The following CNTN1 variants were observed in gnomAD, a reference collection of about 807,000 sequenced individuals.
The protein encoded by CNTN1 is contactin 1.
Under a neutral mutation model 126.4 loss-of-function variants are expected in CNTN1, and 38 were observed. The ratio of observed to expected loss-of-function variants is 0.30; its 90% CI spans 0.23 to 0.39. The LOEUF is 0.39. Among genes scored for constraint, CNTN1 ranks in the 10% least tolerant of loss-of-function variants. The pLI is 1.00. For missense variants in CNTN1, 1,009 were observed against 1,248.4 expected (o/e 0.81, Z 2.89); for synonymous variants, 413 against 422.6 (o/e 0.98, Z 0.28).
At chr12:40,713,284 T>C (rs1407060385) in intron 1 of CNTN1, among the ~76,000 whole-genome samples, 3 of 151,704 alleles carry the variant, frequency 2.0e-5, no homozygotes, top group African/African-American at 7.3e-5. Flanking sequence ...TAGAGGAGTA[T>C]TTTTTCTCCC....
Position 40,888,040 on chromosome 12 carries a change from G to A in CNTN1, c.-76-20317G>A, listed in dbSNP as rs908406196. Among the ~76,000 whole-genome samples, 4 of 149,262 alleles carry A rather than the reference G, an allele frequency of 2.7e-5. No homozygotes were observed. In the East Asian group the frequency reaches 6.0e-4, roughly 22 times the overall value. On this transcript the variant is annotated intron_variant, in intron 1 of 23. Coordinates refer to ENST00000551295, the MANE Select transcript of CNTN1 (RefSeq NM_001843.4). The stretch of plus-strand genomic sequence containing the variant: ...GGGGTGGGGGGAGGGAGGAGGGATA[G>A]CATTAGGAGATATACCTAATGCTAA...
intron 16 of CNTN1, among the ~76,000 whole-genome samples, chr12:40,992,280 T>A (rs1948113714): frequency 1.3e-5 from 2 of 152,176 alleles, no homozygotes. Context: ...ATTGTGTTGA[T>A]GGACACGTCA....
intron 1 of CNTN1, among the ~76,000 whole-genome samples, chr12:40,797,884 G>A (rs967364157): frequency 1.3e-5 from 2 of 152,024 alleles, no homozygotes; most frequent in East Asian, 3.9e-4. Context: ...TCCCATTAAC[G>A]AGAATAGGGA....
At chr12:40,904,063 G>A (rs1944710804) in intron 1 of CNTN1, among the ~76,000 whole-genome samples, 1 of 152,086 alleles carries the variant, frequency 6.6e-6, no homozygotes, top group African/African-American at 2.4e-5. Context: ...CTGTCGCCTA[G>A]GCTGGAGTGC....
chr12:40,773,766 G>A (rs1939468656), intron 1 of CNTN1, among the ~76,000 whole-genome samples: 1 of 148,814 alleles, frequency 6.7e-6, no homozygotes, highest in Non-Finnish European at 1.5e-5. Flanking sequence ...GCAAGTGTGA[G>A]CTGTTATCCC....
At chr12:41,012,503 G>C (rs990279576) in intron 17 of CNTN1, among the ~76,000 whole-genome samples, 1 of 152,142 alleles carries the variant, frequency 6.6e-6, no homozygotes, top group Non-Finnish European at 1.5e-5. Context: ...ACAGAGGCTG[G>C]GGTCAGTCCA....
In CNTN1 at chr12:41,071,410, T is replaced by C. The variant is rs1476364571; in HGVS notation, c.*1375T>C. The C allele has an allele frequency of 6.6e-6, 1 of 152,180 alleles. No homozygotes were observed. Among genetic ancestry groups the C allele is most frequent in the Non-Finnish European group, 1.5e-5 (1 of 68,024 alleles). The allele number at this position is 152,180 out of a possible 1,614,324, so 9.4% of individuals were successfully genotyped here. A position where few individuals can be genotyped will look rare whatever the true frequency, so the allele number is the denominator to read the frequency against. On this transcript the variant is annotated 3_prime_UTR_variant, in exon 24 of 24. Coordinates refer to ENST00000551295, the MANE Select transcript of CNTN1 (RefSeq NM_001843.4). Reference sequence around the variant, plus strand: ...GTGAAATAGTGCAGTGTTGGATGCTTCAAGAGGTATAATCCTATTTTATTA... The same window carrying C: ...GTGAAATAGTGCAGTGTTGGATGCTCCAAGAGGTATAATCCTATTTTATTA...
intron 1 of CNTN1, among the ~76,000 whole-genome samples, chr12:40,852,877 C>A (rs1942770408): frequency 2.1e-5 from 3 of 145,714 alleles, no homozygotes; most frequent in Non-Finnish European, 4.5e-5. Context: ...AAGAAATAAT[C>A]CTTATTGCAT....
chr12:40,847,898 A>G (rs892580640), intron 1 of CNTN1, among the ~76,000 whole-genome samples: 1 of 152,226 alleles, frequency 6.6e-6, no homozygotes, highest in Non-Finnish European at 1.5e-5. Flanking sequence ...ATCATAAGGC[A>G]TTAGATTCTC....
intron 1 of CNTN1, among the ~76,000 whole-genome samples, chr12:40,831,578 C>T (rs1430778765): frequency 4.6e-5 from 7 of 152,130 alleles, no homozygotes; most frequent in Non-Finnish European, 7.4e-5. Context: ...TATGAAACAT[C>T]TTTCTTTCAG....
intron 1 of CNTN1, among the ~76,000 whole-genome samples, chr12:40,724,620 C>T (rs1224058170): frequency 2.6e-5 from 4 of 152,158 alleles, no homozygotes; most frequent in African/African-American, 9.7e-5. Flanking sequence ...TGAAAATGCA[C>T]AGACTGTCCT....
chr12:40,928,040 A>G (rs1310916694), intron 6 of CNTN1, among the ~76,000 whole-genome samples: 2 of 152,066 alleles, frequency 1.3e-5, no homozygotes, highest in Non-Finnish European at 2.9e-5. Flanking sequence ...TCACATAACC[A>G]CTGAGGATTC....
intron 21 of CNTN1, among the ~76,000 whole-genome samples, chr12:41,026,386 T>G (rs1420341008): frequency 6.6e-6 from 1 of 152,094 alleles, no homozygotes; most frequent in African/African-American, 2.4e-5. Flanking sequence ...GACAGGGCAA[T>G]AAAATGAATA....
rs930297669 is a variant in CNTN1 at position 40,925,591 on chromosome 12, G to A, written c.496+939G>A. On this transcript the variant is annotated intron_variant, in intron 6 of 23. Coordinates refer to ENST00000551295, the MANE Select transcript of CNTN1 (RefSeq NM_001843.4). ...TATACGTATATACGTATATATACATGTATATATATATATACGTGTATATAT... is the reference window on the plus strand; with the variant it reads ...TATACGTATATACGTATATATACATATATATATATATATACGTGTATATAT... Among the ~76,000 whole-genome samples, 73 of 135,960 alleles carry A rather than the reference G, an allele frequency of 5.4e-4. 1 individual carries two copies. Among genetic ancestry groups the A allele is most frequent in the African/African-American group, 1.9e-3 (69 of 36,596 alleles). The allele number at this position is 135,960 out of a possible 152,430, so 89.2% of individuals were successfully genotyped here.
intron 1 of CNTN1, among the ~76,000 whole-genome samples, chr12:40,890,373 C>T (rs141981844): frequency 1.9e-3 from 296 of 152,232 alleles, no homozygotes; most frequent in African/African-American, 7.0e-3. Flanking sequence ...CCTTAGTTTA[C>T]ATTAGGGTTA....
intron 1 of CNTN1, among the ~76,000 whole-genome samples, chr12:40,720,920 G>T (rs1942187518): frequency 6.8e-6 from 1 of 146,862 alleles, no homozygotes. Context: ...AACAGAGGAA[G>T]ACTCTGTCTC....
At position 40,775,323 on chromosome 12, in the gene CNTN1, A is replaced by G. The variant is rs189522341; in HGVS notation, c.-77+82731A>G. On this transcript the variant is annotated intron_variant, in intron 1 of 23. Transcript: ENST00000551295. ...TCTTTAATATAAATGAATTATATATAATGTAATGTATATTTCCTTTGGTAG... is the reference window on the plus strand; with the variant it reads ...TCTTTAATATAAATGAATTATATATGATGTAATGTATATTTCCTTTGGTAG... 2.0e-5 allele frequency among the ~76,000 whole-genome samples: 3 copies of G among 151,582 alleles called. No homozygotes were observed. The East Asian group carries it at 5.8e-4, about 29-fold the overall frequency.
intron 12 of CNTN1, among the ~76,000 whole-genome samples, chr12:40,940,281 T>C (rs79272259): frequency 0.026 from 3,909 of 152,074 alleles, 165 homozygotes; most frequent in African/African-American, 0.089. Context: ...TTGCAGAAAC[T>C]GAAATCAGTG....
intron 1 of CNTN1, among the ~76,000 whole-genome samples, chr12:40,744,905 C>T (rs956252881): frequency 1.3e-5 from 2 of 152,030 alleles, no homozygotes; most frequent in Non-Finnish European, 2.9e-5. Flanking sequence ...GAAAAATAAT[C>T]ATATTTATTT....
Sources: gnomAD v4.1 joint callset for allele counts (sites outside exome capture counted in the v4.1 genomes callset) on GRCh38, gnomAD v4.1.1 for gene constraint, MANE v1.5 for transcripts, NCBI Gene and HGNC (gene_info 2026-07-23, HGNC 2026-07-21) for gene names.